The following CAMTA1 variants were observed in gnomAD, a reference collection of about 807,000 sequenced individuals.
The protein encoded by CAMTA1 is calmodulin-binding transcription activator 1.
Under a neutral mutation model 170.9 loss-of-function variants are expected in CAMTA1, and 27 were observed. That is an observed-to-expected ratio of 0.16 (90% CI 0.12 to 0.22). CAMTA1 has a LOEUF of 0.22. Among genes scored for constraint, CAMTA1 ranks in the 10% least tolerant of loss-of-function variants. CAMTA1 has a pLI of 1.00. For missense variants in CAMTA1, 1,619 were observed against 2,217.2 expected (o/e 0.73, Z 5.42); for synonymous variants, 833 against 891.5 (o/e 0.93, Z 1.17).
chr1:7,648,269 G>A (rs2095823212), intron 7 of CAMTA1, among the ~76,000 whole-genome samples: 1 of 152,024 alleles, frequency 6.6e-6, no homozygotes, highest in Admixed American at 6.6e-5. Context: ...GCAGGTGCCT[G>A]TAATCACAAC....
At position 7,354,180 on chromosome 1, in the gene CAMTA1, G is replaced by T. The variant is rs996960503; in HGVS notation, c.438+104554G>T. Among the ~76,000 whole-genome samples the T allele has an allele frequency of 2.8e-4, 36 of 126,734 alleles. No homozygotes were observed. In the East Asian group the frequency reaches 6.9e-3, roughly 24 times the overall value. 83.1% of individuals were successfully genotyped at this position (126,734 alleles called of 152,430 possible). A position where few individuals can be genotyped will look rare whatever the true frequency, so the allele number is the denominator to read the frequency against. On this transcript the variant is annotated intron_variant, in intron 5 of 22. Coordinates refer to ENST00000303635, the MANE Select transcript of CAMTA1 (RefSeq NM_015215.4). ...TTTTTTTTTTTTGAGACAGAGTCTT[G>T]TTCTGTCGCCCAGGCTGGAGTGCAG...
intron 3 of CAMTA1, among the ~76,000 whole-genome samples, chr1:6,847,192 A>G (rs1658520877): frequency 6.6e-6 from 1 of 151,696 alleles, no homozygotes; most frequent in South Asian, 2.1e-4. Flanking sequence ...TTTAGTAGAG[A>G]TGGGGTTTTG....
intron 3 of CAMTA1, among the ~76,000 whole-genome samples, chr1:7,040,755 A>C: frequency 1.4e-5 from 2 of 144,344 alleles, no homozygotes; most frequent in African/African-American, 2.6e-5. Flanking sequence ...ACAGAGTCTC[A>C]CTCTGCGGTC....
intron 5 of CAMTA1, among the ~76,000 whole-genome samples, chr1:7,445,713 T>C (rs2092662571): frequency 6.6e-6 from 1 of 152,208 alleles, no homozygotes; most frequent in Non-Finnish European, 1.5e-5. Context: ...TAGAAGAGTC[T>C]GGAACTCAGT....
chr1:7,491,094 A>T (rs1229749011), intron 6 of CAMTA1, among the ~76,000 whole-genome samples: 1 of 152,186 alleles, frequency 6.6e-6, no homozygotes, highest in Non-Finnish European at 1.5e-5. Context: ...AACAAAAAGG[A>T]GGCTCTAGCA....
At chr1:6,917,364 T>A (rs1017902472) in intron 3 of CAMTA1, among the ~76,000 whole-genome samples, 31 of 152,108 alleles carry the variant, frequency 2.0e-4, no homozygotes, top group African/African-American at 7.0e-4. Context: ...AGCCAGCTGA[T>A]GAGATATCTG....
intron 5 of CAMTA1, among the ~76,000 whole-genome samples, chr1:7,431,218 C>G (rs1456192303): frequency 6.6e-6 from 1 of 152,240 alleles, no homozygotes; most frequent in African/African-American, 2.4e-5. Context: ...GTCTCTTTCC[C>G]TTGGGCCATT....
chr1:7,383,538 T>C (rs1575035401), intron 5 of CAMTA1, among the ~76,000 whole-genome samples: 1 of 152,298 alleles, frequency 6.6e-6, no homozygotes, highest in East Asian at 1.9e-4. Context: ...ATCTACTTCA[T>C]AGGGTTGTTG....
intron 6 of CAMTA1, among the ~76,000 whole-genome samples, chr1:7,507,359 G>T (rs139889325): frequency 6.6e-6 from 1 of 152,122 alleles, no homozygotes; most frequent in African/African-American, 2.4e-5. Context: ...GTGAGGAGCC[G>T]TCTCTGCACA....
intron 4 of CAMTA1, among the ~76,000 whole-genome samples, chr1:7,237,269 G>A (rs1664055117): frequency 6.6e-6 from 1 of 152,202 alleles, no homozygotes; most frequent in Non-Finnish European, 1.5e-5. Context: ...AGGAGCAATA[G>A]CCGGTCAACC....
At chr1:6,955,586 G>A (rs1009725680) in intron 3 of CAMTA1, among the ~76,000 whole-genome samples, 17 of 152,142 alleles carry the variant, frequency 1.1e-4, no homozygotes, top group African/African-American at 4.1e-4. Context: ...GGTGTGCGGT[G>A]GCAACCAGTA....
rs542201237 is a variant in CAMTA1 at position 6,934,687 on chromosome 1, C to T, written c.234+109477C>T. On this transcript the variant is annotated intron_variant, in intron 3 of 22. Transcript: ENST00000303635. The surrounding 1 kb of genome is among the most constrained non-coding windows in gnomAD (Gnocchi z 4.5). Reference sequence around the variant, plus strand: ...TCCCCTCCCTTCACCACCACCCCCTCCCCTCTCTCCCCTCTTATGCCCGCA... The same window carrying T: ...TCCCCTCCCTTCACCACCACCCCCTTCCCTCTCTCCCCTCTTATGCCCGCA... 5.9e-5 allele frequency among the ~76,000 whole-genome samples: 9 copies of T among 152,220 alleles called. No homozygotes were observed. The South Asian group carries it at 1.9e-3, about 32-fold the overall frequency.
intron 6 of CAMTA1, among the ~76,000 whole-genome samples, chr1:7,593,075 C>A (rs1031398660): frequency 6.6e-6 from 1 of 152,186 alleles, no homozygotes; most frequent in African/African-American, 2.4e-5. Flanking sequence ...CCTGTTAAAG[C>A]TCCTTCATGC....
At chr1:6,943,565 G>A (rs1024666912) in intron 3 of CAMTA1, among the ~76,000 whole-genome samples, 8 of 152,014 alleles carry the variant, frequency 5.3e-5, no homozygotes, top group Admixed American at 5.2e-4. Flanking sequence ...TACACATAAC[G>A]GGGCCAGGCG....
At chr1:6,990,072 A>G (rs1010601663) in intron 3 of CAMTA1, among the ~76,000 whole-genome samples, 4 of 152,186 alleles carry the variant, frequency 2.6e-5, no homozygotes, top group Non-Finnish European at 5.9e-5. Flanking sequence ...CTTCATCTGC[A>G]GACGGGCTGG....
At position 7,049,315 on chromosome 1, in the gene CAMTA1, CA is replaced by C. The variant is rs143931899; in HGVS notation, c.235-41988del. 3.0e-4 allele frequency among the ~76,000 whole-genome samples: 46 copies of C among 151,868 alleles called. 1 individual carries two copies. The highest frequency in any genetic ancestry group is 3.4e-3 in the Middle Eastern group (1 of 294). The stretch of plus-strand genomic sequence containing the variant: ...CCCAGGGAGGGGGCAGCGTCAAGGC[CA>C]GGGGGTGCAGGGCCTGCCAGCTCAC... On this transcript the variant is annotated intron_variant, in intron 3 of 22. Transcript: ENST00000303635.
chr1:7,100,057 G>T (rs78105520), intron 4 of CAMTA1, among the ~76,000 whole-genome samples: 3,817 of 152,202 alleles, frequency 0.025, 58 homozygotes, highest in African/African-American at 0.033. Flanking sequence ...AGCTCCCTCT[G>T]CTTCCCACCC....
At chr1:7,223,800 T>C (rs1227582913) in intron 4 of CAMTA1, among the ~76,000 whole-genome samples, 1 of 152,228 alleles carries the variant, frequency 6.6e-6, no homozygotes, top group Non-Finnish European at 1.5e-5. Flanking sequence ...GAAGAGCTCA[T>C]TTGAGTTTCC....
rs1236831971 is a variant in CAMTA1 at position 7,463,187 on chromosome 1, G to A, written c.439-4643G>A. On this transcript the variant is annotated intron_variant, in intron 5 of 22. Coordinates refer to ENST00000303635, the MANE Select transcript of CAMTA1 (RefSeq NM_015215.4). The surrounding 1 kb of genome is among the most constrained non-coding windows in gnomAD (Gnocchi z 4.7). ...CCCCATCTGCTCCCCGGGGCTCCAT[G>A]CCCTAAGCATGCTCTGCTCAGGACG... Among the ~76,000 whole-genome samples, 1 of 152,200 alleles carries A rather than the reference G, an allele frequency of 6.6e-6. No homozygotes were observed. Among genetic ancestry groups the A allele is most frequent in the Non-Finnish European group, 1.5e-5 (1 of 68,032 alleles).
Sources: gnomAD v4.1 joint callset for allele counts (sites outside exome capture counted in the v4.1 genomes callset) on GRCh38, gnomAD v4.1.1 for gene constraint, Gnocchi (gnomAD v3.1) non-coding constraint, MANE v1.5 for transcripts, NCBI Gene and HGNC (gene_info 2026-07-23, HGNC 2026-07-21) for gene names.